The following KCTD8 variants were observed in gnomAD, a reference collection of about 807,000 sequenced individuals.
KCTD8 encodes the protein BTB/POZ domain-containing protein KCTD8.
In KCTD8, 27 loss-of-function variants were observed where a neutral mutation model predicts 31.5. The observed-to-expected ratio is 0.86, with a 90% CI of 0.63 to 1.18. The LOEUF is 1.18. KCTD8 is among the 50% of genes most tolerant of loss of function. The probability of loss-of-function intolerance (pLI) is 0.00; values close to 1 mark genes in which losing one functional copy is unlikely to be tolerated. For missense variants in KCTD8, 658 were observed against 647.7 expected (o/e 1.02, Z -0.17); for synonymous variants, 290 against 280.0 (o/e 1.04, Z -0.36).
rs1715202706 is a variant in KCTD8 at position 44,234,123 on chromosome 4, C to A, written c.962-58873G>T. 2.0e-5 allele frequency among the ~76,000 whole-genome samples: 3 copies of A among 152,146 alleles called. 1 individual carries two copies. Among genetic ancestry groups the A allele is most frequent in the African/African-American group, 7.2e-5 (3 of 41,446 alleles). On this transcript the variant is annotated intron_variant, in intron 1 of 1. Coordinates refer to ENST00000360029, the MANE Select transcript of KCTD8 (RefSeq NM_198353.3). ...TACTTATTTAATTTTCAAAACAACC[C>A]TGCAGAGAGTTACTCTTACCAACGT... is the stretch of plus-strand genomic sequence containing the variant.
At chr4:44,371,768 C>G (rs557464662) in intron 1 of KCTD8, among the ~76,000 whole-genome samples, 2 of 152,078 alleles carry the variant, frequency 1.3e-5, no homozygotes, top group Non-Finnish European at 2.9e-5. Context: ...AGATGAATCC[C>G]CAACTCAGGT....
intron 1 of KCTD8, among the ~76,000 whole-genome samples, chr4:44,264,631 G>C (rs1308022337): frequency 6.6e-6 from 1 of 152,194 alleles, no homozygotes; most frequent in African/African-American, 2.4e-5. Flanking sequence ...CCCTTTCCTG[G>C]TCAAGGAAAG....
intron 1 of KCTD8, among the ~76,000 whole-genome samples, chr4:44,262,928 T>C (rs777133498): frequency 6.6e-6 from 1 of 152,130 alleles, no homozygotes; most frequent in African/African-American, 2.4e-5. Context: ...GTAATTGGTA[T>C]GAAAACTAGA....
intron 1 of KCTD8, among the ~76,000 whole-genome samples, chr4:44,299,803 C>G (rs1197769806): frequency 2.1e-5 from 3 of 142,080 alleles, no homozygotes; most frequent in African/African-American, 7.7e-5. Context: ...GAGTCTCACT[C>G]TGTCGCCCAG....
chr4:44,283,035 T>C (rs1486591194), intron 1 of KCTD8, among the ~76,000 whole-genome samples: 41 of 78,054 alleles, frequency 5.3e-4, no homozygotes, highest in South Asian at 9.2e-4. Context: ...TTTATTATTA[T>C]TATTATTATT....
chr4:44,243,394 C>T (rs1715561433), intron 1 of KCTD8, among the ~76,000 whole-genome samples: 2 of 152,152 alleles, frequency 1.3e-5, no homozygotes, highest in Admixed American at 1.3e-4. Flanking sequence ...TTACAGTACA[C>T]CATATACAAA....
intron 1 of KCTD8, among the ~76,000 whole-genome samples, chr4:44,331,124 T>C (rs1356138850): frequency 1.3e-5 from 2 of 151,920 alleles, no homozygotes; most frequent in Non-Finnish European, 2.9e-5. Context: ...ACATGCTTTC[T>C]AAAGGAAGTT....
Position 44,242,615 on chromosome 4 carries a change from A to G in KCTD8, c.962-67365T>C, listed in dbSNP as rs1347913181. ...ACAAACAAACAAACAAAACAAAAAA[A>G]AAACTTGTTGATATAGTTTGACTAT... is the stretch of plus-strand genomic sequence containing the variant. On this transcript the variant is annotated intron_variant, in intron 1 of 1. Transcript: ENST00000360029. 9.9e-5 allele frequency among the ~76,000 whole-genome samples: 15 copies of G among 152,048 alleles called. No homozygotes were observed. The East Asian group carries it at 2.7e-3, about 27-fold the overall frequency.
chr4:44,349,348 G>A (rs761404480), intron 1 of KCTD8, among the ~76,000 whole-genome samples: 6 of 152,136 alleles, frequency 3.9e-5, no homozygotes, highest in Non-Finnish European at 8.8e-5. Context: ...ACAGCACTGG[G>A]CAGGGGGCAC....
chr4:44,332,508 T>C (rs1285726592), intron 1 of KCTD8, among the ~76,000 whole-genome samples: 3 of 152,006 alleles, frequency 2.0e-5, no homozygotes, highest in African/African-American at 4.8e-5. Context: ...CATAGATTCA[T>C]ACAAGATAAG....
At position 44,175,203 on chromosome 4, in the gene KCTD8, T is replaced by G. The variant is rs1713171337; in HGVS notation, c.1009A>C (p.Lys337Gln). 3 of 1,605,738 alleles carry G rather than the reference T, an allele frequency of 1.9e-6. No individual in the cohort carries two copies. Among genetic ancestry groups the G allele is most frequent in the Non-Finnish European group, 2.6e-6 (3 of 1,176,420 alleles). ...VSPKQEHEDRKHDKVTDKGSE... is the reference protein window; with the variant it reads ...VSPKQEHEDRQHDKVTDKGSE... ...CCTTTATCAGTGACTTTGTCATGTTTCCTATCTTCATGTTCTTGTTTAGGT... is the reference window on the plus strand; with the variant it reads ...CCTTTATCAGTGACTTTGTCATGTTGCCTATCTTCATGTTCTTGTTTAGGT... Residue 337 changes from lysine (K) to glutamine (Q), a missense_variant, in exon 2 of 2, where the codon AAA (lysine) becomes CAA (glutamine). By Grantham distance (53) the Lys-to-Gln change is moderately conservative. Coordinates refer to ENST00000360029, the MANE Select transcript of KCTD8 (RefSeq NM_198353.3).
intron 1 of KCTD8, among the ~76,000 whole-genome samples, chr4:44,241,411 G>A (rs866072170): frequency 2.0e-5 from 3 of 152,188 alleles, no homozygotes; most frequent in Admixed American, 6.5e-5. Flanking sequence ...CTGAACACAC[G>A]CACATTCGTT....
At chr4:44,234,770 C>T (rs1163761087) in intron 1 of KCTD8, among the ~76,000 whole-genome samples, 6 of 152,168 alleles carry the variant, frequency 3.9e-5, no homozygotes, top group African/African-American at 1.2e-4. Flanking sequence ...ATAAGGTTCC[C>T]ACCCTCAGGG....
intron 1 of KCTD8, among the ~76,000 whole-genome samples, chr4:44,334,654 T>TA (rs1453474704): frequency 3.3e-5 from 5 of 151,664 alleles, no homozygotes; most frequent in Non-Finnish European, 7.4e-5. Context: ...TATAACAATG[T>TA]AAAAAAAATC....
intron 1 of KCTD8, among the ~76,000 whole-genome samples, chr4:44,301,684 G>C (rs1434419240): frequency 6.6e-6 from 1 of 152,104 alleles, no homozygotes; most frequent in Non-Finnish European, 1.5e-5. Flanking sequence ...TCACTCTAAT[G>C]GTAGTTTCTT....
intron 1 of KCTD8, among the ~76,000 whole-genome samples, chr4:44,366,419 C>T (rs540420569): frequency 2.4e-4 from 36 of 152,266 alleles, no homozygotes; most frequent in African/African-American, 8.2e-4. Context: ...TATGGCACTT[C>T]CCCCTTCGCT....
chr4:44,185,252 T>C (rs1428411386), intron 1 of KCTD8, among the ~76,000 whole-genome samples: 1 of 150,278 alleles, frequency 6.7e-6, no homozygotes, highest in Non-Finnish European at 1.5e-5. Flanking sequence ...ATTCTACCAT[T>C]ACAGCAACTG....
intron 1 of KCTD8, among the ~76,000 whole-genome samples, chr4:44,346,713 AC>A (rs1459525434): frequency 2.0e-5 from 3 of 152,094 alleles, no homozygotes; most frequent in African/African-American, 7.2e-5. Context: ...ATGGTGACTG[AC>A]CCTTCTTACT....
Position 44,370,238 on chromosome 4 carries a change from A to G in KCTD8, c.961+77325T>C, listed in dbSNP as rs192130061. ...TCCTGAACTCAAGTCTACCTTTACT[A>G]TCATTAAAGCAATACAATGAGTTGC... On this transcript the variant is annotated intron_variant, in intron 1 of 1. Coordinates refer to ENST00000360029, the MANE Select transcript of KCTD8 (RefSeq NM_198353.3). Among the ~76,000 whole-genome samples, 25 of 152,308 alleles carry G rather than the reference A, an allele frequency of 1.6e-4. No homozygotes were observed. In the East Asian group the frequency reaches 4.8e-3, roughly 29 times the overall value.
Sources: allele counts gnomAD v4.1 joint callset (sites outside exome capture counted in the v4.1 genomes callset), GRCh38; gene constraint gnomAD v4.1.1; transcripts MANE v1.5; gene names NCBI Gene and HGNC (gene_info 2026-07-23, HGNC 2026-07-21).